Variants in NFAM1 observed in about 807,000 individuals in gnomAD.
NFAM1 encodes the protein NFAT activation molecule 1.
A neutral mutation model predicts 29.0 loss-of-function variants in NFAM1; 17 were observed. That is an observed-to-expected ratio of 0.59 (90% confidence interval 0.40 to 0.88). NFAM1 has a LOEUF of 0.88. Among genes scored for constraint, NFAM1 ranks in the 40% least tolerant of loss-of-function variants. The pLI is 0.00. For missense variants in NFAM1, 324 were observed against 344.6 expected (o/e 0.94, Z 0.47); for synonymous variants, 175 against 147.2 (o/e 1.19, Z -1.36).
upstream of NFAM1, among the ~76,000 whole-genome samples, chr22:42,434,183 C>A (rs1022076259): frequency 6.6e-6 from 1 of 152,214 alleles, no homozygotes; most frequent in Non-Finnish European, 1.5e-5. Flanking sequence ...CTGGTTTCCA[C>A]GCTTGCCTGC....
intron 4 of NFAM1, among the ~76,000 whole-genome samples, chr22:42,392,431 G>T (rs771745336): frequency 6.6e-6 from 1 of 152,096 alleles, no homozygotes; most frequent in Non-Finnish European, 1.5e-5. Context: ...AGGTTCTGGC[G>T]AAGAGGAGGG....
In NFAM1 at chr22:42,382,208, AC is replaced by A. The variant is rs1928979290; in HGVS notation, c.*2952del. On this transcript the variant is annotated 3_prime_UTR_variant, in exon 6 of 6. Coordinates refer to ENST00000329021, the MANE Select transcript of NFAM1 (RefSeq NM_145912.8). ...GTAGCTGGGACTACAGGTGCGTGCC[AC>A]CACACCAGGCTAATTTTTGTATTTT... 6.6e-6 allele frequency: 1 copy of A among 152,090 alleles called. No individual in the cohort carries two copies. Among genetic ancestry groups the A allele is most frequent in the African/African-American group, 2.4e-5 (1 of 41,422 alleles). The allele number at this position is 152,090 out of a possible 1,614,324, so 9.4% of individuals were successfully genotyped here. A position where few individuals can be genotyped will look rare whatever the true frequency, so the allele number is the denominator to read the frequency against.
Position 42,411,717 on chromosome 22 carries a change from G to A in NFAM1, c.141C>T (p.His47=). The change falls in exon 2 of 6, where the codon CAC becomes CAT. Residue 47 remains histidine (H), a synonymous_variant. Coordinates refer to ENST00000329021, the MANE Select transcript of NFAM1 (RefSeq NM_145912.8). Reference sequence around the variant, plus strand: ...GGGAGGCCATGATGGGCAGGCCGGTGTGGGTCACTGACTGTCCTCCTGGAG... The same window carrying A: ...GGGAGGCCATGATGGGCAGGCCGGTATGGGTCACTGACTGTCCTCCTGGAG... ...LRLAGGQSVT[H]TGLPIMASLA... The A allele has an allele frequency of 6.2e-7, 1 of 1,613,682 alleles. No individual in the cohort carries two copies. The highest frequency in any genetic ancestry group is 8.5e-7 in the Non-Finnish European group (1 of 1,179,580).
intron 3 of NFAM1, among the ~76,000 whole-genome samples, chr22:42,404,723 C>G (rs1395642171): frequency 3.9e-5 from 6 of 152,014 alleles, no homozygotes; most frequent in Admixed American, 2.0e-4. Context: ...GGCGTGGTAT[C>G]GCACGTCTGT....
intron 1 of NFAM1, among the ~76,000 whole-genome samples, chr22:42,422,535 G>A (rs932408212): frequency 2.0e-5 from 3 of 152,160 alleles, no homozygotes; most frequent in Admixed American, 6.5e-5. Context: ...AACCCGGGAG[G>A]TGGAGGGTGA....
At chr22:42,422,736 C>G (rs111276805) in intron 1 of NFAM1, among the ~76,000 whole-genome samples, 4,480 of 152,206 alleles carry the variant, frequency 0.029, 148 homozygotes, top group African/African-American at 0.084. Context: ...AAAGGGGCAT[C>G]AGGATGGTGT....
At chr22:42,395,937 C>T (rs933627622) in intron 4 of NFAM1, among the ~76,000 whole-genome samples, 6 of 145,862 alleles carry the variant, frequency 4.1e-5, no homozygotes, top group African/African-American at 1.0e-4. Flanking sequence ...AAAATGGGGA[C>T]AAAACCTTTA....
upstream of NFAM1, among the ~76,000 whole-genome samples, chr22:42,434,470 C>T (rs1930893072): frequency 6.6e-6 from 1 of 152,170 alleles, no homozygotes; most frequent in Non-Finnish European, 1.5e-5. Flanking sequence ...AGCTCATTGC[C>T]CAGTTTCTGA....
chr22:42,392,827 T>C (rs940515558), intron 4 of NFAM1, among the ~76,000 whole-genome samples: 1 of 151,974 alleles, frequency 6.6e-6, no homozygotes, highest in African/African-American at 2.4e-5. Context: ...TGTGACAGAG[T>C]CTCGCTCTGT....
At position 42,401,778 on chromosome 22, in the gene NFAM1, C is replaced by T. The variant is rs572697044; in HGVS notation, c.565-3822G>A. On this transcript the variant is annotated intron_variant, in intron 3 of 5. Transcript: ENST00000329021. The stretch of plus-strand genomic sequence containing the variant: ...AGATGGTGGTGGGACAGGGAGTCAC[C>T]AGGCCTGGGCTGAGATCCAGCTGTG... Among the ~76,000 whole-genome samples the T allele has an allele frequency of 3.3e-5, 5 of 152,250 alleles. No homozygotes were observed. The East Asian group carries it at 9.7e-4, about 29-fold the overall frequency.
chr22:42,432,234 T>C lies in NFAM1; in HGVS notation c.121+3A>G, dbSNP rs1459811982. On this transcript the variant is annotated splice_donor_region_variant and intron_variant, in intron 1 of 5. Coordinates refer to ENST00000329021, the MANE Select transcript of NFAM1 (RefSeq NM_145912.8). ...TAGAGAGAAGGAGGAAGACAGACAC[T>C]ACCTGCCAGTCGCAGGGTCCCGGGC... The C allele has an allele frequency of 2.5e-6, 4 of 1,568,900 alleles. No homozygotes were observed. Among genetic ancestry groups the C allele is most frequent in the Non-Finnish European group, 3.5e-6 (4 of 1,156,446 alleles).
rs771911335 is a variant in NFAM1 at position 42,397,882 on chromosome 22, C to T, written c.639G>A (p.Gln213=). 1.2e-6 allele frequency: 2 copies of T among 1,612,656 alleles called. No individual in the cohort carries two copies. Among genetic ancestry groups the T allele is most frequent in the East Asian group, 2.2e-5 (1 of 44,866 alleles). The change falls in exon 4 of 6, where the codon CAG becomes CAA. Residue 213 remains glutamine, a synonymous_variant. Transcript: ENST00000329021. ...CTGTGTAGACAGATTCTGAAGGATG[C>T]TGCTTGGGGCTGCTGGCAGATCTTG... ...PDPRSASSPK[Q]HPSESVYTAL...
chr22:42,428,685 G>A (rs1930703624), intron 1 of NFAM1, among the ~76,000 whole-genome samples: 1 of 152,184 alleles, frequency 6.6e-6, no homozygotes, highest in African/African-American at 2.4e-5. Context: ...GTTCACGTCT[G>A]GGTCCCTCTG....
intron 3 of NFAM1, among the ~76,000 whole-genome samples, chr22:42,407,880 C>T (rs1224268845): frequency 6.6e-6 from 1 of 151,326 alleles, no homozygotes; most frequent in Non-Finnish European, 1.5e-5. Context: ...GTGTGAGCCA[C>T]CATACCTGGC....
chr22:42,426,835 C>T (rs1027615386), intron 1 of NFAM1, among the ~76,000 whole-genome samples: 2 of 152,174 alleles, frequency 1.3e-5, no homozygotes, highest in Non-Finnish European at 2.9e-5. Flanking sequence ...ACTGAGTCCC[C>T]TCCCTCACTG....
At position 42,385,117 on chromosome 22, in the gene NFAM1, G is replaced by A. The variant is rs766727755; in HGVS notation, c.*44C>T. ...GTCCTTTGGTGGCAGGGGCTGCCCC[G>A]GTCCTCTGACCCAGGGCAAGCTCTA... On this transcript the variant is annotated 3_prime_UTR_variant, in exon 6 of 6. Coordinates refer to ENST00000329021, the MANE Select transcript of NFAM1 (RefSeq NM_145912.8). The A allele has an allele frequency of 1.5e-5, 22 of 1,505,694 alleles. No individual in the cohort carries two copies. Among genetic ancestry groups the A allele is most frequent in the African/African-American group, 2.8e-5 (2 of 72,590 alleles). The allele number at this position is 1,505,694 out of a possible 1,614,324, so 93.3% of individuals were successfully genotyped here. A position where few individuals can be genotyped will look rare whatever the true frequency, so the allele number is the denominator to read the frequency against.
At chr22:42,436,479 C>T (rs1246210695), upstream of NFAM1, among the ~76,000 whole-genome samples, 1 of 152,220 alleles carries the variant, frequency 6.6e-6, no homozygotes, top group Non-Finnish European at 1.5e-5. Context: ...GCCGGGTTTA[C>T]CTCTGGGGCC....
intron 1 of NFAM1, among the ~76,000 whole-genome samples, chr22:42,426,327 CCCT>C (rs1487756384): frequency 6.6e-6 from 1 of 152,206 alleles, no homozygotes; most frequent in Non-Finnish European, 1.5e-5. Context: ...CAGGCCCTGC[CCCT>C]CCTCCACCTC....
At chr22:42,431,635 C>T (rs1407846982) in intron 1 of NFAM1, among the ~76,000 whole-genome samples, 7 of 152,306 alleles carry the variant, frequency 4.6e-5, no homozygotes, top group South Asian at 4.1e-4. Context: ...AGGAAAGGAG[C>T]GCCGCTGGCG....
Sources: allele counts gnomAD v4.1 joint callset (sites outside exome capture counted in the v4.1 genomes callset), GRCh38; gene constraint gnomAD v4.1.1; transcripts MANE v1.5; gene names NCBI Gene and HGNC (gene_info 2026-07-23, HGNC 2026-07-21).